Variants in CDH26 observed in about 807,000 individuals in gnomAD.
CDH26 encodes cadherin 26.
A neutral mutation model predicts 90.3 loss-of-function variants in CDH26; 83 were observed. That is an observed-to-expected ratio of 0.92 (90% CI 0.77 to 1.10). The LOEUF is 1.10. Among genes scored for constraint, CDH26 ranks in the 50% least tolerant of loss-of-function variants. CDH26 has a pLI of 0.00. For missense variants in CDH26, 1,013 were observed against 1,037.6 expected (o/e 0.98, Z 0.33); for synonymous variants, 397 against 396.3 (o/e 1.00, Z -0.02).
chr20:60,004,493 G>A (rs560668962), intron 16 of CDH26, among the ~76,000 whole-genome samples: 9 of 152,166 alleles, frequency 5.9e-5, no homozygotes, highest in Admixed American at 4.6e-4. Context: ...AGGCCAGGGC[G>A]CCGTGGCTCA....
At chr20:60,001,851 A>G (rs1455549517) in intron 15 of CDH26, among the ~76,000 whole-genome samples, 1 of 152,118 alleles carries the variant, frequency 6.6e-6, no homozygotes. Context: ...TTCCAGGACT[A>G]TTGCTTTGTG....
chr20:60,021,897 C>CACATATAT (rs1295572684), intron 7 of CDH26, among the ~76,000 whole-genome samples: 18 of 79,002 alleles, frequency 2.3e-4, no homozygotes, highest in Middle Eastern at 0.014. Context: ...CACACACACA[C>CACATATAT]ATATATATAT....
At position 59,996,709 on chromosome 20, in the gene CDH26, G is replaced by T; in HGVS notation, c.1967G>T (p.Gly656Val). The T allele has an allele frequency of 6.2e-7, 1 of 1,614,232 alleles. No homozygotes were observed. The highest frequency in any genetic ancestry group is 8.5e-7 in the Non-Finnish European group (1 of 1,180,038). The part of the protein sequence containing the change: ...RHGCSVSNDE[G>V]HQTLVMYNAE... ...GGATGCTCTGTATCCAATGATGAAG[G>T]CCACCAAACACTGGTCATGTATAAT... The change falls in exon 13 of 18, where the codon GGC becomes GTC. Residue 656 changes from glycine (G) to valine (V), a missense_variant. By Grantham distance (109) the Gly-to-Val change is moderately radical. Coordinates refer to ENST00000348616, the MANE Select transcript of CDH26 (RefSeq NM_177980.4).
rs973556576 is a variant in CDH26 at position 60,012,437 on chromosome 20, A to G, written c.2296-90A>G. 5 of 1,243,152 alleles carry G rather than the reference A, an allele frequency of 4.0e-6. No individual in the cohort carries two copies. The African/African-American group carries it at 6.0e-5, about 15-fold the overall frequency. 77.0% of individuals were successfully genotyped at this position (1,243,152 alleles called of 1,614,324 possible). ...GGGGCCTGAGTGCTGTTACTACTGC[A>G]TTGATGTGTTCCTCGAATCAAACCT... On this transcript the variant is annotated intron_variant, in intron 17 of 17. Coordinates refer to ENST00000348616, the MANE Select transcript of CDH26 (RefSeq NM_177980.4).
chr20:59,989,227 T>G, intron 9 of CDH26, 64 bp downstream of exon 9: 2 of 1,592,088 alleles, frequency 1.3e-6, no homozygotes, highest in Non-Finnish European at 8.5e-7. Flanking sequence ...CCAAGAGGGC[T>G]CCTGTTAGAA....
At chr20:60,014,827 T>A (rs1238395771), downstream of CDH26, among the ~76,000 whole-genome samples, 2 of 152,200 alleles carry the variant, frequency 1.3e-5, no homozygotes, top group Admixed American at 6.5e-5. Flanking sequence ...GTAGTAGGAT[T>A]TTTGAATTAT....
chr20:59,993,457 C>G (rs1348874461), intron 10 of CDH26, among the ~76,000 whole-genome samples: 1 of 152,186 alleles, frequency 6.6e-6, no homozygotes, highest in Non-Finnish European at 1.5e-5. Context: ...CATGATATCA[C>G]TCATGCCTTT....
rs1444140907 is a variant in CDH26 at position 60,013,186 on chromosome 20, A to AAC, written c.*458_*459dup. The AAC allele has an allele frequency of 6.5e-6, 1 of 154,652 alleles. No homozygotes were observed. The highest frequency in any genetic ancestry group is 1.4e-5 in the Non-Finnish European group (1 of 69,666). 9.6% of individuals were successfully genotyped at this position (154,652 alleles called of 1,614,324 possible). The stretch of plus-strand genomic sequence containing the variant: ...AGGTAAATAGAGAAATTTTTTCTAT[A>AAC]ACATTTGTAGTCAGTATTTGAAGTG... On this transcript the variant is annotated 3_prime_UTR_variant, in exon 18 of 18. Transcript: ENST00000348616.
intron 7 of CDH26, among the ~76,000 whole-genome samples, chr20:60,020,750 G>T (rs191292782): frequency 3.0e-4 from 45 of 152,104 alleles, no homozygotes; most frequent in Admixed American, 1.9e-3. Context: ...CTCACAATGT[G>T]GGGGGTAAGC....
In CDH26 at chr20:59,995,875, G is replaced by T. The variant is rs764572009; in HGVS notation, c.1709G>T (p.Gly570Val). ...TTAACCTTGAGAAGCCTGCCACGTG[G>T]TAATTACTTGGTGCCACTCTTCATT... The part of the protein sequence containing the change: ...ELLTLRSLPR[G>V]NYLVPLFIGD... Residue 570 changes from glycine to valine, a missense_variant, in exon 12 of 18, where the codon GGT (glycine) becomes GTT (valine). Physicochemically the swap from Gly to Val is moderately radical, Grantham distance 109. Transcript: ENST00000348616. 1 of 1,614,226 alleles carries T rather than the reference G, an allele frequency of 6.2e-7. No homozygotes were observed. Among genetic ancestry groups the T allele is most frequent in the South Asian group, 1.1e-5 (1 of 91,092 alleles).
intron 16 of CDH26, 98 bp from the exon 17 acceptor site, chr20:60,006,615 C>T (rs1040648946): frequency 1.2e-6 from 1 of 819,364 alleles, no homozygotes; most frequent in Non-Finnish European, 2.1e-6. Context: ...GAACGGTGCT[C>T]AGTGTGCCCC....
At chr20:59,988,390 G>T (rs879328807) in intron 8 of CDH26, among the ~76,000 whole-genome samples, 11 of 152,168 alleles carry the variant, frequency 7.2e-5, no homozygotes, top group Non-Finnish European at 1.2e-4. Flanking sequence ...AGATTCGCCT[G>T]CCCATTTGAC....
At chr20:59,984,371 C>A (rs182870656) in intron 5 of CDH26, among the ~76,000 whole-genome samples, 1 of 152,046 alleles carries the variant, frequency 6.6e-6, no homozygotes, top group East Asian at 1.9e-4. Context: ...AAATTTTGTC[C>A]ACAGTTTTTT....
intron 4 of CDH26, among the ~76,000 whole-genome samples, chr20:59,980,957 T>G (rs866642244): frequency 9.8e-5 from 15 of 152,326 alleles, no homozygotes; most frequent in African/African-American, 3.6e-4. Flanking sequence ...AGGTTTATTT[T>G]TTTTTGCTTA....
At chr20:59,998,125 C>A (rs2061624164) in intron 13 of CDH26, among the ~76,000 whole-genome samples, 1 of 152,262 alleles carries the variant, frequency 6.6e-6, no homozygotes. Context: ...AGAAAACCAT[C>A]TGGACAAACA....
chr20:60,004,261 C>A (rs549545112), intron 16 of CDH26, among the ~76,000 whole-genome samples: 5 of 152,292 alleles, frequency 3.3e-5, no homozygotes, highest in Admixed American at 3.3e-4. Flanking sequence ...TCATGTCTGG[C>A]TTAATGATGG....
chr20:59,969,532 A>T (rs189306999), intron 2 of CDH26, among the ~76,000 whole-genome samples: 20 of 152,376 alleles, frequency 1.3e-4, no homozygotes, highest in Non-Finnish European at 1.5e-5. Flanking sequence ...CTGTGAAAAT[A>T]TATAATGCAA....
Position 59,987,509 on chromosome 20 carries a change from T to G in CDH26, c.894T>G (p.Val298=), listed in dbSNP as rs191588935. The change falls in exon 8 of 18, where the codon GTT becomes GTG. Residue 298 remains valine (V), a synonymous_variant. Coordinates refer to ENST00000348616, the MANE Select transcript of CDH26 (RefSeq NM_177980.4). ...RASQGVLRLL[V]QDRDSPFTSA... Reference sequence around the variant, plus strand: ...GCCAGGGCGTGTTGCGTCTCCTGGTTCAAGATCGAGATTCTCCATTTACAT... The same window carrying G: ...GCCAGGGCGTGTTGCGTCTCCTGGTGCAAGATCGAGATTCTCCATTTACAT... 6.2e-7 allele frequency: 1 copy of G among 1,613,926 alleles called. No individual in the cohort carries two copies. Among genetic ancestry groups the G allele is most frequent in the Non-Finnish European group, 8.5e-7 (1 of 1,179,932 alleles).
At chr20:59,987,666 C>A in intron 8 of CDH26, 28 bp downstream of exon 8, 1 of 1,564,358 alleles carries the variant, frequency 6.4e-7, no homozygotes, top group South Asian at 1.2e-5. Flanking sequence ...ACATACCAAC[C>A]AGTTAGTGGC....
Sources: gnomAD v4.1 joint callset for allele counts (sites outside exome capture counted in the v4.1 genomes callset) on GRCh38, gnomAD v4.1.1 for gene constraint, MANE v1.5 for transcripts, NCBI Gene and HGNC (gene_info 2026-07-23, HGNC 2026-07-21) for gene names.